Variants in CDH5 observed in about 807,000 individuals in gnomAD.
CDH5 encodes cadherin 5.
In CDH5, 28 loss-of-function variants were observed where a neutral mutation model predicts 62.0. The ratio of observed to expected loss-of-function variants is 0.45; its 90% CI spans 0.33 to 0.62. CDH5 has a LOEUF of 0.62. CDH5 is among the 20% of genes least tolerant of loss of function. The probability of loss-of-function intolerance (pLI) is 0.02; values close to 1 mark genes in which losing one functional copy is unlikely to be tolerated. For synonymous variants in CDH5, 464 were observed against 445.8 expected (o/e 1.04, Z -0.52); for missense variants, 940 against 1,065.1 (o/e 0.88, Z 1.63).
chr16:66,402,607 G>A, intron 11 of CDH5, 45 bp from the exon 12 acceptor site: 1 of 1,484,686 alleles, frequency 6.7e-7, no homozygotes, highest in Non-Finnish European at 8.9e-7. Flanking sequence ...GGCCGCCCAG[G>A]CCCCCAGCCT....
At chr16:66,368,040 G>T (rs533353612) in intron 1 of CDH5, among the ~76,000 whole-genome samples, 1 of 152,220 alleles carries the variant, frequency 6.6e-6, no homozygotes, top group Non-Finnish European at 1.5e-5. Flanking sequence ...GGAAGGGGGT[G>T]CAAGTGAGAG....
Position 66,398,025 on chromosome 16 carries a change from A to G in CDH5, c.1404A>G (p.Glu468=), listed in dbSNP as rs1029697185. ...GKESIVQVHI[E]VLDENDNAPE... is the part of the protein sequence containing the mutation. Reference sequence around the variant, plus strand: ...AATCCATTGTGCAAGTCCACATTGAAGTTTTGGATGAGAATGACAATGCCC... The same window carrying G: ...AATCCATTGTGCAAGTCCACATTGAGGTTTTGGATGAGAATGACAATGCCC... Residue 468 remains glutamate (E), a synonymous_variant, in exon 9 of 12, where the codon GAA becomes GAG. Coordinates refer to ENST00000341529, the MANE Select transcript of CDH5 (RefSeq NM_001795.5). 6.2e-7 allele frequency: 1 copy of G among 1,614,078 alleles called. No individual in the cohort carries two copies. Among genetic ancestry groups the G allele is most frequent in the Non-Finnish European group, 8.5e-7 (1 of 1,180,044 alleles).
chr16:66,373,339 T>G (rs1396182796), intron 1 of CDH5, among the ~76,000 whole-genome samples: 1 of 152,100 alleles, frequency 6.6e-6, no homozygotes, highest in Non-Finnish European at 1.5e-5. Context: ...CGGTTTCCTC[T>G]GCATCATGAT....
chr16:66,373,790 A>C lies in CDH5; in HGVS notation c.-19-5529A>C, dbSNP rs906071165. Among the ~76,000 whole-genome samples the C allele has an allele frequency of 2.6e-5, 4 of 152,166 alleles. No individual in the cohort carries two copies. The East Asian group carries it at 7.7e-4, about 29-fold the overall frequency. On this transcript the variant is annotated intron_variant, in intron 1 of 11. Transcript: ENST00000341529. ...AGATTGAGTATAGAAGGAGCCTAGG[A>C]TTTAGAAAAAGATCGATCTGATGAC...
At chr16:66,377,272 A>T (rs1383028757) in intron 1 of CDH5, 1 of 152,112 alleles carries the variant, frequency 6.6e-6, no homozygotes, top group East Asian at 1.9e-4. Context: ...CATCCCTTCA[A>T]GGGCCTCAAG....
chr16:66,402,620 T>A, intron 11 of CDH5, 32 bp from the exon 12 acceptor site: 1 of 1,524,774 alleles, frequency 6.6e-7, no homozygotes, highest in Non-Finnish European at 8.8e-7. Flanking sequence ...CCCAGCCTTG[T>A]CTGACTCTGC....
chr16:66,381,122 A>C (rs1960891346), intron 2 of CDH5, among the ~76,000 whole-genome samples: 1 of 152,174 alleles, frequency 6.6e-6, no homozygotes, highest in African/African-American at 2.4e-5. Context: ...GCTGAAGATG[A>C]AGTTAATCAT....
rs1258897548 is a variant in CDH5, at chr16:66,380,466, G to A, written c.210+919G>A. On this transcript the variant is annotated intron_variant, in intron 2 of 11. Transcript: ENST00000341529. Reference sequence around the variant, plus strand: ...TGATGATGGTGATGATAAAGGGATGGGTAGTGGTTGTGATGGTGGTGATCA... The same window carrying A: ...TGATGATGGTGATGATAAAGGGATGAGTAGTGGTTGTGATGGTGGTGATCA... 1.1e-4 allele frequency among the ~76,000 whole-genome samples: 17 copies of A among 148,630 alleles called. 1 individual carries two copies. The Admixed American group carries it at 1.1e-3, about 10-fold the overall frequency.
intron 7 of CDH5, 132 bp from the exon 8 acceptor site, chr16:66,395,927 G>A (rs772190072): frequency 6.1e-6 from 5 of 820,344 alleles, no homozygotes; most frequent in South Asian, 1.8e-5. Flanking sequence ...GTGGCAGAGT[G>A]CAATGAGCAG....
chr16:66,384,158 C>T (rs1268645589), intron 2 of CDH5, among the ~76,000 whole-genome samples: 2 of 138,590 alleles, frequency 1.4e-5, no homozygotes, highest in Admixed American at 8.0e-5. Context: ...GATCTTGGCT[C>T]ACTGCAACCT....
Position 66,403,123 on chromosome 16 carries a change from T to G in CDH5, c.2309T>G (p.Leu770Arg), listed in dbSNP as rs749655905. ...LNDWGPRFKM[L>R]AELYGSDPRE... ...GACTGGGGACCCAGGTTTAAGATGC[T>G]GGCTGAGCTGTACGGCTCGGACCCC... Residue 770 changes from leucine (L) to arginine (R), a missense_variant, in exon 12 of 12, where the codon CTG (leucine) becomes CGG (arginine). Physicochemically the swap from Leu to Arg is moderately radical, Grantham distance 102. Transcript: ENST00000341529. This position sits in a 1 kb window ranked among gnomAD's most constrained non-coding sequence, Gnocchi z 4.3. 1 of 1,613,586 alleles carries G rather than the reference T, an allele frequency of 6.2e-7. No individual in the cohort carries two copies. The highest frequency in any genetic ancestry group is 8.5e-7 in the Non-Finnish European group (1 of 1,179,924).
At chr16:66,391,042 G>A (rs1448223020) in intron 6 of CDH5, among the ~76,000 whole-genome samples, 1 of 152,206 alleles carries the variant, frequency 6.6e-6, no homozygotes, top group Non-Finnish European at 1.5e-5. Flanking sequence ...TAATTGTGGT[G>A]ACATGGATGG....
intron 1 of CDH5, 172 bp from the exon 2 acceptor site, chr16:66,379,147 C>CGGATGAAAG (rs757115200): frequency 1.7e-6 from 1 of 592,038 alleles, no homozygotes; most frequent in Non-Finnish European, 3.0e-6. Flanking sequence ...ACCTTTCATC[C>CGGATGAAAG]GAGTGCATGA....
intron 8 of CDH5, among the ~76,000 whole-genome samples, chr16:66,397,015 G>A (rs973056707): frequency 6.6e-6 from 1 of 152,030 alleles, no homozygotes; most frequent in Non-Finnish European, 1.5e-5. Context: ...TTTAAAATAC[G>A]GAAAATACAG....
At chr16:66,398,606 C>A in intron 10 of CDH5, 45 bp downstream of exon 10, 1 of 995,668 alleles carries the variant, frequency 1.0e-6, no homozygotes, top group Non-Finnish European at 1.6e-6. Flanking sequence ...ATGACCCACA[C>A]CTGTAGTCTC....
At chr16:66,379,106 G>A in intron 1 of CDH5, 1 of 546,062 alleles carries the variant, frequency 1.8e-6, no homozygotes, top group South Asian at 2.8e-5. Flanking sequence ...TATCTTAAAT[G>A]CGCTTGTTTA....
At chr16:66,397,574 G>A (rs1961208202) in intron 8 of CDH5, among the ~76,000 whole-genome samples, 3 of 152,102 alleles carry the variant, frequency 2.0e-5, no homozygotes, top group African/African-American at 7.2e-5. Flanking sequence ...GGCATTGTCA[G>A]TGGCCATCCA....
intron 2 of CDH5, among the ~76,000 whole-genome samples, chr16:66,380,260 G>A (rs1960870337): frequency 6.8e-6 from 1 of 147,872 alleles, no homozygotes; most frequent in Non-Finnish European, 1.5e-5. Flanking sequence ...TGATCACGGT[G>A]ATGGTGGTGA....
chr16:66,402,519 G>GGGGGGGCCAAAGGGATGGGCATGCTGGGA, intron 11 of CDH5, 133 bp from the exon 12 acceptor site: 3 of 719,028 alleles, frequency 4.2e-6, no homozygotes, highest in Middle Eastern at 3.9e-4. Context: ...TGCAGGGGAA[G>GGGGGGGCCAAAGGGATGGGCATGCTGGGA]GGGGGGCCAA....
Sources: allele counts gnomAD v4.1 joint callset (sites outside exome capture counted in the v4.1 genomes callset), GRCh38; gene constraint gnomAD v4.1.1; non-coding constraint Gnocchi (gnomAD v3.1); transcripts MANE v1.5; gene names NCBI Gene and HGNC (gene_info 2026-07-23, HGNC 2026-07-21).